Variants in KLHL1 observed in about 807,000 individuals in gnomAD.
KLHL1 encodes the protein kelch-like protein 1.
Under a neutral mutation model 77.7 loss-of-function variants are expected in KLHL1, and 47 were observed. That is an observed-to-expected ratio of 0.60 (90% CI 0.48 to 0.77). The LOEUF is 0.77. Ranked by LOEUF, KLHL1 falls within the 30% of genes least tolerant of loss-of-function variation. KLHL1 has a pLI of 0.00. For missense variants in KLHL1, 925 were observed against 910.8 expected, an observed-to-expected ratio of 1.02 and a Z score of -0.20; for synonymous variants, 360 against 325.2, an observed-to-expected ratio of 1.11 and a Z score of -1.15.
In KLHL1 at chr13:70,006,238, C is replaced by T. The variant is rs112787623; in HGVS notation, c.498-30436G>A. On this transcript the variant is annotated intron_variant, in intron 1 of 10. Coordinates refer to ENST00000377844, the MANE Select transcript of KLHL1 (RefSeq NM_020866.3). ...AATAATATTCTGTTGTATGCATATA[C>T]GACATTTTCTTTATCTATTTGCTTA... Among the ~76,000 whole-genome samples, 14 of 152,006 alleles carry T rather than the reference C, an allele frequency of 9.2e-5. No homozygotes were observed. The East Asian group carries it at 1.2e-3, about 13-fold the overall frequency.
intron 7 of KLHL1, among the ~76,000 whole-genome samples, chr13:69,742,593 C>T (rs934050875): frequency 6.6e-5 from 10 of 152,272 alleles, no homozygotes; most frequent in Admixed American, 4.6e-4. Context: ...GTCAATGAAT[C>T]AACTAAAATG....
In KLHL1 at chr13:70,054,262, T is replaced by C. The variant is rs571504665; in HGVS notation, c.497+52941A>G. 6.6e-5 allele frequency among the ~76,000 whole-genome samples: 10 copies of C among 152,170 alleles called. No homozygotes were observed. The South Asian group carries it at 2.1e-3, about 32-fold the overall frequency. ...TGTGTAGGAAAAATTATAAGAAATA[T>C]CTATCTTGGTAAACTTTAAATAATA... On this transcript the variant is annotated intron_variant, in intron 1 of 10. Coordinates refer to ENST00000377844, the MANE Select transcript of KLHL1 (RefSeq NM_020866.3).
At chr13:69,999,904 G>A in intron 1 of KLHL1, among the ~76,000 whole-genome samples, 1 of 152,000 alleles carries the variant, frequency 6.6e-6, no homozygotes, top group East Asian at 1.9e-4. Flanking sequence ...AATATAGTCG[G>A]GATGTTTGTC....
chr13:70,027,665 T>TTTTTTTTTTTA (rs57773730), intron 1 of KLHL1, among the ~76,000 whole-genome samples: 2 of 151,050 alleles, frequency 1.3e-5, no homozygotes, highest in African/African-American at 2.4e-5. Flanking sequence ...TTTTTTTTTT[T>TTTTTTTTTTTA]ATGAACTGAA....
intron 1 of KLHL1, among the ~76,000 whole-genome samples, chr13:70,103,623 G>C (rs898681941): frequency 5.1e-4 from 77 of 152,076 alleles, no homozygotes; most frequent in African/African-American, 1.8e-3. Flanking sequence ...AGAGATGTGG[G>C]ACATGCATAG....
At chr13:70,064,898 C>T (rs527916876) in intron 1 of KLHL1, among the ~76,000 whole-genome samples, 2 of 152,220 alleles carry the variant, frequency 1.3e-5, no homozygotes, top group South Asian at 2.1e-4. Context: ...AACTACCACC[C>T]CATCTTACAT....
intron 3 of KLHL1, among the ~76,000 whole-genome samples, chr13:69,946,978 T>A (rs562404904): frequency 6.6e-6 from 1 of 152,058 alleles, no homozygotes; most frequent in African/African-American, 2.4e-5. Flanking sequence ...AAAAACATAT[T>A]TTTAATATCT....
At chr13:70,072,318 T>C (rs1887155519) in intron 1 of KLHL1, among the ~76,000 whole-genome samples, 1 of 152,132 alleles carries the variant, frequency 6.6e-6, no homozygotes, top group Non-Finnish European at 1.5e-5. Context: ...AAATGGAAGG[T>C]ACAGAATGCC....
At chr13:70,022,913 T>A (rs769186369) in intron 1 of KLHL1, among the ~76,000 whole-genome samples, 49 of 151,970 alleles carry the variant, frequency 3.2e-4, no homozygotes, top group Non-Finnish European at 6.0e-4. Flanking sequence ...AAATTTACAC[T>A]GAGTAAAACT....
intron 1 of KLHL1, among the ~76,000 whole-genome samples, chr13:70,011,330 T>G: frequency 6.6e-6 from 1 of 152,132 alleles, no homozygotes; most frequent in East Asian, 1.9e-4. Context: ...ACAGATATTA[T>G]AAATTATACA....
At chr13:69,919,698 G>A (rs1476874617) in intron 4 of KLHL1, among the ~76,000 whole-genome samples, 2 of 152,066 alleles carry the variant, frequency 1.3e-5, no homozygotes, top group Non-Finnish European at 2.9e-5. Context: ...ACAGCCTGAA[G>A]CAATCCTCAG....
intron 1 of KLHL1, among the ~76,000 whole-genome samples, chr13:69,999,406 C>T (rs919911990): frequency 6.6e-6 from 1 of 152,008 alleles, no homozygotes; most frequent in South Asian, 2.1e-4. Context: ...GGCCTGGCAT[C>T]AGCATTCCTT....
intron 6 of KLHL1, among the ~76,000 whole-genome samples, chr13:69,804,649 G>A (rs1409521803): frequency 2.6e-5 from 4 of 152,014 alleles, no homozygotes; most frequent in African/African-American, 9.7e-5. Flanking sequence ...AGCAGCAATG[G>A]GTGGCAGTGA....
intron 7 of KLHL1, among the ~76,000 whole-genome samples, chr13:69,779,366 TCCTCC>T (rs1484807310): frequency 1.3e-5 from 2 of 150,462 alleles, no homozygotes; most frequent in East Asian, 4.0e-4. Context: ...TTCCTTTCCT[TCCTCC>T]CCTCCCCTCT....
At chr13:69,858,828 G>A (rs1246730740) in intron 5 of KLHL1, among the ~76,000 whole-genome samples, 1 of 151,964 alleles carries the variant, frequency 6.6e-6, no homozygotes, top group East Asian at 1.9e-4. Flanking sequence ...AAAAGAGTAA[G>A]GCTATTTCAG....
At chr13:69,944,302 T>A (rs542667698) in intron 3 of KLHL1, among the ~76,000 whole-genome samples, 1 of 152,222 alleles carries the variant, frequency 6.6e-6, no homozygotes, top group African/African-American at 2.4e-5. Flanking sequence ...TCACACACTT[T>A]GTCACAACTT....
In KLHL1 at chr13:69,996,827, C is replaced by T. The variant is rs1302701912; in HGVS notation, c.498-21025G>A. Among the ~76,000 whole-genome samples the T allele has an allele frequency of 4.6e-5, 7 of 151,126 alleles. No individual in the cohort carries two copies. In the East Asian group the frequency reaches 1.4e-3, roughly 29 times the overall value. The stretch of plus-strand genomic sequence containing the variant: ...ATAAATCTTACAAACTTTAAGTGGC[C>T]TATGACATTGGTGAAAGTAAGTATA... On this transcript the variant is annotated intron_variant, in intron 1 of 10. Coordinates refer to ENST00000377844, the MANE Select transcript of KLHL1 (RefSeq NM_020866.3).
At chr13:69,926,963 A>AAAAAAAAAAAAAAAC in intron 4 of KLHL1, among the ~76,000 whole-genome samples, 2 of 149,380 alleles carry the variant, frequency 1.3e-5, no homozygotes, top group African/African-American at 2.4e-5. Flanking sequence ...AAAAAAAAAA[A>AAAAAAAAAAAAAAAC]AAAAAAAGCA....
intron 7 of KLHL1, among the ~76,000 whole-genome samples, chr13:69,761,706 T>C (rs1875029452): frequency 6.6e-6 from 1 of 152,196 alleles, no homozygotes; most frequent in Admixed American, 6.5e-5. Flanking sequence ...TGCACTTTAA[T>C]TGGAGAAACA....
Sources: allele counts gnomAD v4.1 joint callset (sites outside exome capture counted in the v4.1 genomes callset), GRCh38; gene constraint gnomAD v4.1.1; transcripts MANE v1.5; gene names NCBI Gene and HGNC (gene_info 2026-07-23, HGNC 2026-07-21).